CDKL2: variants seen among roughly 807,000 people sequenced by gnomAD.
CDKL2 encodes the protein cyclin-dependent kinase-like 2.
In CDKL2, 64 loss-of-function variants were observed where a neutral mutation model predicts 63.9. That is an observed-to-expected ratio of 1.00 (90% CI 0.82 to 1.23). The LOEUF (loss-of-function observed/expected upper bound fraction) is 1.23, where lower values mean the gene tolerates loss of function less well. CDKL2 is among the 50% of genes most tolerant of loss of function. The probability of loss-of-function intolerance (pLI) is 0.00; values close to 1 mark genes in which losing one functional copy is unlikely to be tolerated. For missense variants in CDKL2, 656 were observed against 668.0 expected, an observed-to-expected ratio of 0.98 and a Z score of 0.20; for synonymous variants, 211 against 229.2, an observed-to-expected ratio of 0.92 and a Z score of 0.72.
chr4:75,582,079 A>G (rs898370651), intron 12 of CDKL2, among the ~76,000 whole-genome samples, 181 bp from the exon 13 acceptor site: 1 of 152,238 alleles, frequency 6.6e-6, no homozygotes, highest in African/African-American at 2.4e-5. Flanking sequence ...CTTTAGTCCC[A>G]AACATGACTG....
rs1439801158 is a variant in CDKL2, at chr4:75,588,477, TAATC to T, written c.1647+3338_1647+3341del. 3.3e-5 allele frequency among the ~76,000 whole-genome samples: 5 copies of T among 152,254 alleles called. No individual in the cohort carries two copies. The East Asian group carries it at 9.6e-4, about 29-fold the overall frequency. ...GGAGTTTAGATATATATAAAATAAT[TAATC>T]AAATAAGTACAAATATTAAATTATA... On this transcript the variant is annotated intron_variant, in intron 12 of 13. Transcript: ENST00000307465.
At chr4:75,615,520 C>A (rs982673790) in intron 2 of CDKL2, among the ~76,000 whole-genome samples, 1 of 152,142 alleles carries the variant, frequency 6.6e-6, no homozygotes, top group Admixed American at 6.5e-5. Context: ...TATACCCAAC[C>A]AAACTGTCAT....
At chr4:75,599,202 A>G (rs746189840) in intron 7 of CDKL2, among the ~76,000 whole-genome samples, 1 of 152,238 alleles carries the variant, frequency 6.6e-6, no homozygotes, top group Non-Finnish European at 1.5e-5. Context: ...AATGGATTTT[A>G]ATTTAACAAA....
intron 13 of CDKL2, among the ~76,000 whole-genome samples, chr4:75,580,942 C>T (rs557954299): frequency 1.4e-4 from 21 of 151,948 alleles, no homozygotes; most frequent in Admixed American, 2.6e-4. Flanking sequence ...CCTCGTGATC[C>T]GCCCGCCTCA....
rs181738095 is a variant in CDKL2, at chr4:75,625,339, T to C, written c.168+482A>G. ...ATGATTGGAAATACAGAAATATACT[T>C]TTAAATAACTCAGGGATTAAGAAAA... On this transcript the variant is annotated intron_variant, in intron 2 of 13. Coordinates refer to ENST00000307465, the MANE Select transcript of CDKL2 (RefSeq NM_001330724.2). 6.1e-3 allele frequency among the ~76,000 whole-genome samples: 923 copies of C among 152,184 alleles called. 8 individuals are homozygous for C. Among genetic ancestry groups the C allele is most frequent in the Non-Finnish European group, 8.5e-3 (577 of 68,006 alleles).
intron 2 of CDKL2, among the ~76,000 whole-genome samples, chr4:75,623,272 C>T (rs181596375): frequency 3.9e-5 from 6 of 152,114 alleles, no homozygotes; most frequent in Admixed American, 3.9e-4. Flanking sequence ...CAGCAAAACC[C>T]TGTCTCAAAA....
intron 2 of CDKL2, among the ~76,000 whole-genome samples, chr4:75,614,671 A>G (rs73825517): frequency 1.1e-3 from 164 of 152,000 alleles, no homozygotes; most frequent in African/African-American, 3.8e-3. Flanking sequence ...GAACAAAATA[A>G]AGCTAATAAG....
chr4:75,604,144 G>T (rs907651398), intron 5 of CDKL2, among the ~76,000 whole-genome samples, 188 bp from the exon 6 acceptor site: 1 of 152,210 alleles, frequency 6.6e-6, no homozygotes, highest in Non-Finnish European at 1.5e-5. Context: ...AGGAGCATAG[G>T]AAAAGGACAG....
At chr4:75,598,269 T>A (rs748601928) in intron 7 of CDKL2, 57 bp from the exon 8 acceptor site, 12 of 998,866 alleles carry the variant, frequency 1.2e-5, no homozygotes, top group African/African-American at 3.4e-5. Flanking sequence ...TACAAAAAAA[T>A]TGACTTTCAA....
chr4:75,589,168 C>T (rs1462965378), intron 12 of CDKL2, among the ~76,000 whole-genome samples: 1 of 152,114 alleles, frequency 6.6e-6, no homozygotes, highest in Non-Finnish European at 1.5e-5. Flanking sequence ...TGCCACTTCA[C>T]ACCTATTAGA....
chr4:75,606,612 A>ATAATTC (rs1033791475), intron 4 of CDKL2, among the ~76,000 whole-genome samples: 2 of 152,242 alleles, frequency 1.3e-5, no homozygotes, highest in Non-Finnish European at 2.9e-5. Flanking sequence ...TAAAATGCTT[A>ATAATTC]AGGTTATTGC....
At chr4:75,602,485 G>A (rs1729239388) in intron 6 of CDKL2, among the ~76,000 whole-genome samples, 1 of 149,574 alleles carries the variant, frequency 6.7e-6, no homozygotes, top group South Asian at 2.1e-4. Flanking sequence ...GCCATCCTAT[G>A]CCCTACATTT....
chr4:75,600,177 C>A, intron 7 of CDKL2, 104 bp downstream of exon 7: 4 of 707,832 alleles, frequency 5.7e-6, no homozygotes, highest in South Asian at 2.0e-5. Flanking sequence ...TGAGATCCTG[C>A]AAAGTAGGTG....
chr4:75,584,860 T>C (rs1165050973), intron 12 of CDKL2, among the ~76,000 whole-genome samples: 2 of 152,168 alleles, frequency 1.3e-5, no homozygotes, highest in African/African-American at 2.4e-5. Flanking sequence ...AACTTTCCAC[T>C]AACATTTTCA....
chr4:75,618,239 C>CTTTTTTTTT lies in CDKL2; in HGVS notation c.169-3799_169-3791dup, dbSNP rs56002333. 2.3e-4 allele frequency among the ~76,000 whole-genome samples: 12 copies of CTTTTTTTTT among 52,960 alleles called. 2 individuals carry two copies. The highest frequency in any genetic ancestry group is 2.0e-3 in the South Asian group (2 of 998). 34.7% of individuals were successfully genotyped at this position (52,960 alleles called of 152,430 possible). The stretch of plus-strand genomic sequence containing the variant: ...CAGACCAGGCCTCCAATTGAAAATT[C>CTTTTTTTTT]TTTTTTTTTTTTTTTTTTTTTTTTT... On this transcript the variant is annotated intron_variant, in intron 2 of 13. Coordinates refer to ENST00000307465, the MANE Select transcript of CDKL2 (RefSeq NM_001330724.2).
intron 2 of CDKL2, among the ~76,000 whole-genome samples, chr4:75,622,786 A>G (rs919556302): frequency 4.0e-5 from 6 of 150,596 alleles, no homozygotes; most frequent in Non-Finnish European, 7.4e-5. Flanking sequence ...TACAATGTTC[A>G]TGAACTGGAT....
intron 1 of CDKL2, among the ~76,000 whole-genome samples, chr4:75,626,528 T>G (rs1010122329): frequency 1.3e-5 from 2 of 151,942 alleles, no homozygotes; most frequent in Non-Finnish European, 1.5e-5. Flanking sequence ...TTAGCCGGAC[T>G]TGGTGGCAGG....
chr4:75,582,664 A>G (rs1370907363), intron 12 of CDKL2, among the ~76,000 whole-genome samples: 1 of 152,166 alleles, frequency 6.6e-6, no homozygotes, highest in Admixed American at 6.5e-5. Context: ...GGTAAAATAT[A>G]TAAGTTTAAA....
At position 75,578,750 on chromosome 4, in the gene CDKL2, A is replaced by G. The variant is rs1249270766; in HGVS notation, c.*452T>C. 6.6e-6 allele frequency: 1 copy of G among 152,546 alleles called. No individual in the cohort carries two copies. Among genetic ancestry groups the G allele is most frequent in the African/African-American group, 2.4e-5 (1 of 41,412 alleles). The allele number at this position is 152,546 out of a possible 1,614,324, so 9.4% of individuals were successfully genotyped here. ...TTTATCACCTACCCCCAAGAAACCC[A>G]CTCCTAAATAAATGTACACATTTAT... is the stretch of plus-strand genomic sequence containing the variant. On this transcript the variant is annotated 3_prime_UTR_variant, in exon 14 of 14. Coordinates refer to ENST00000307465, the MANE Select transcript of CDKL2 (RefSeq NM_001330724.2).
Sources: allele counts gnomAD v4.1 joint callset (sites outside exome capture counted in the v4.1 genomes callset), GRCh38; gene constraint gnomAD v4.1.1; transcripts MANE v1.5; gene names NCBI Gene and HGNC (gene_info 2026-07-23, HGNC 2026-07-21).